The following STAM variants were observed in gnomAD, a reference collection of about 807,000 sequenced individuals.
The protein encoded by STAM is signal transducing adapter molecule 1.
In STAM, 16 loss-of-function variants were observed where a neutral mutation model predicts 63.4. That is an observed-to-expected ratio of 0.25 (90% CI 0.17 to 0.38). The LOEUF (loss-of-function observed/expected upper bound fraction) is 0.38. STAM is among the 10% of genes least tolerant of loss of function. The pLI is 1.00. For synonymous variants in STAM, 238 were observed against 223.9 expected (o/e 1.06, Z -0.56); for missense variants, 636 against 657.1 (o/e 0.97, Z 0.35).
chr10:17,652,628 A>G (rs1302921779), intron 1 of STAM, among the ~76,000 whole-genome samples: 5 of 152,206 alleles, frequency 3.3e-5, no homozygotes, highest in Non-Finnish European at 5.9e-5. Context: ...AGGTTTTAGA[A>G]TTTAAGTGTG....
Position 17,665,572 on chromosome 10 carries a change from G to A in STAM, c.125+5024G>A, listed in dbSNP as rs139303969. ...TACTTATTGTATCCTGTCAGTCTTA[G>A]AAATGTATTTCTTTTAAGTCTATTA... is the stretch of plus-strand genomic sequence containing the variant. On this transcript the variant is annotated intron_variant, in intron 2 of 13. Coordinates refer to ENST00000377524, the MANE Select transcript of STAM (RefSeq NM_003473.4). 4.6e-5 allele frequency among the ~76,000 whole-genome samples: 7 copies of A among 151,848 alleles called. No homozygotes were observed. In the East Asian group the frequency reaches 1.2e-3, roughly 25 times the overall value.
intron 2 of STAM, among the ~76,000 whole-genome samples, chr10:17,667,128 ATTT>A (rs34207861): frequency 3.6e-4 from 53 of 148,786 alleles, no homozygotes; most frequent in Admixed American, 5.3e-4. Flanking sequence ...GAGTTAAATA[ATTT>A]TTTTTTTTTT....
At chr10:17,649,173 G>A (rs1016119400) in intron 1 of STAM, among the ~76,000 whole-genome samples, 5 of 152,180 alleles carry the variant, frequency 3.3e-5, no homozygotes, top group Non-Finnish European at 5.9e-5. Flanking sequence ...GGAGGCTGAG[G>A]CAGGAGGATT....
At chr10:17,670,481 A>G (rs1834591538) in intron 2 of STAM, among the ~76,000 whole-genome samples, 1 of 152,122 alleles carries the variant, frequency 6.6e-6, no homozygotes. Context: ...TTATATTTGA[A>G]GGTTAAAATT....
At position 17,705,668 on chromosome 10, in the gene STAM, C is replaced by G. The variant is rs781907224; in HGVS notation, c.1136C>G (p.Pro379Arg). 9.9e-6 allele frequency: 16 copies of G among 1,613,794 alleles called. No individual in the cohort carries two copies. In the South Asian group the frequency reaches 1.8e-4, roughly 18 times the overall value. The change falls in exon 12 of 14, where the codon CCG becomes CGG. Residue 379 changes from proline to arginine, a missense_variant. Pro to Arg is a moderately radical substitution (Grantham distance 103, BLOSUM62 -2). Transcript: ENST00000377524. ...TATACCAAGTTAATGAACGAAGATCCGATGTATTCCATGTATGCAAAGTTA... is the reference window on the plus strand; with the variant it reads ...TATACCAAGTTAATGAACGAAGATCGGATGTATTCCATGTATGCAAAGTTA... ...SLYTKLMNED[P>R]MYSMYAKLQN...
chr10:17,700,516 C>A (rs1835945444), intron 9 of STAM, among the ~76,000 whole-genome samples: 1 of 151,926 alleles, frequency 6.6e-6, no homozygotes, highest in Non-Finnish European at 1.5e-5. Context: ...TGTAGAGTGG[C>A]CTTACCATGA....
chr10:17,681,215 TAATGTAGGTGC>T (rs1835073877), intron 2 of STAM, among the ~76,000 whole-genome samples: 2 of 150,566 alleles, frequency 1.3e-5, no homozygotes, highest in African/African-American at 2.4e-5. Context: ...TTTTTTTTTT[TAATGTAGGTGC>T]TTATAGGTAT....
chr10:17,691,553 A>T (rs1292695753), intron 5 of STAM, among the ~76,000 whole-genome samples: 2 of 152,196 alleles, frequency 1.3e-5, no homozygotes, highest in African/African-American at 4.8e-5. Context: ...CATTTGTTTG[A>T]CAACACGAAA....
In STAM at chr10:17,688,629, T is replaced by A. The variant is rs868917221; in HGVS notation, c.444+456T>A. 7.4e-4 allele frequency among the ~76,000 whole-genome samples: 98 copies of A among 132,042 alleles called. 1 individual carries two copies. The highest frequency in any genetic ancestry group is 2.6e-3 in the African/African-American group (96 of 36,982). 86.6% of individuals were successfully genotyped at this position (132,042 alleles called of 152,430 possible). A position where few individuals can be genotyped will look rare whatever the true frequency, so the allele number is the denominator to read the frequency against. On this transcript the variant is annotated intron_variant, in intron 5 of 13. Transcript: ENST00000377524. ...ATGCACGTGCAGCCAGACCTGGAAA[T>A]TTTTTTTTTTTTTAAATAGAGGTGG... is the stretch of plus-strand genomic sequence containing the variant.
chr10:17,687,500 C>A (rs1835344056), intron 4 of STAM, among the ~76,000 whole-genome samples: 1 of 150,156 alleles, frequency 6.7e-6, no homozygotes. Flanking sequence ...AAAAACAAAC[C>A]AAAAAAAAAG....
At chr10:17,653,754 A>G (rs1833831229) in intron 1 of STAM, among the ~76,000 whole-genome samples, 2 of 152,182 alleles carry the variant, frequency 1.3e-5, no homozygotes, top group Admixed American at 6.5e-5. Context: ...AGGATGTGCA[A>G]AGGCTTTATG....
chr10:17,694,996 A>G (rs767787522), intron 6 of STAM, 53 bp from the exon 7 acceptor site: 1 of 1,535,726 alleles, frequency 6.5e-7, no homozygotes, highest in Non-Finnish European at 8.9e-7. Flanking sequence ...CTACTTCTTC[A>G]GACTGTTGGA....
In STAM at chr10:17,716,101, A is replaced by C. The variant is rs1836803487; in HGVS notation, c.*1321A>C. Among the ~76,000 whole-genome samples, 1 of 152,044 alleles carries C rather than the reference A, an allele frequency of 6.6e-6. No individual in the cohort carries two copies. Among genetic ancestry groups the C allele is most frequent in the Non-Finnish European group, 1.5e-5 (1 of 67,972 alleles). The stretch of plus-strand genomic sequence containing the variant: ...GTTTTCCACTGACATTGTAATCTTA[A>C]ATATTTACGATTTCCCTGGTTGGGC... On this transcript the variant is annotated 3_prime_UTR_variant, in exon 14 of 14. Transcript: ENST00000377524.
chr10:17,713,797 T>C (rs1486657842), intron 13 of STAM, among the ~76,000 whole-genome samples: 1 of 152,070 alleles, frequency 6.6e-6, no homozygotes, highest in Non-Finnish European at 1.5e-5. Context: ...CGTTAAACCC[T>C]GTGGAATCTT....
rs114488014 is a variant in STAM, at chr10:17,687,731, T to A, written c.298-296T>A. On this transcript the variant is annotated intron_variant, in intron 4 of 13. Coordinates refer to ENST00000377524, the MANE Select transcript of STAM (RefSeq NM_003473.4). ...TTGCTTTGCAAAAAGCAGACACTTT[T>A]CCTTGTCTTACTGATGTACAAACCT... 7.5e-3 allele frequency among the ~76,000 whole-genome samples: 1,141 copies of A among 152,306 alleles called. 10 individuals carry two copies. The highest frequency in any genetic ancestry group is 0.026 in the African/African-American group (1,085 of 41,564).
chr10:17,707,253 C>T (rs575603033), intron 12 of STAM, among the ~76,000 whole-genome samples: 2 of 152,054 alleles, frequency 1.3e-5, no homozygotes, highest in Non-Finnish European at 2.9e-5. Context: ...GCTCAAAATA[C>T]AAAAAATTTA....
At position 17,714,710 on chromosome 10, in the gene STAM, T is replaced by C; in HGVS notation, c.1553T>C (p.Leu518Pro). 1 of 1,614,100 alleles carries C rather than the reference T, an allele frequency of 6.2e-7. No individual in the cohort carries two copies. Among genetic ancestry groups the C allele is most frequent in the Non-Finnish European group, 8.5e-7 (1 of 1,180,022 alleles). ...VPNYNLTSSTLPQPGGSQQPP... is the reference protein window; with the variant it reads ...VPNYNLTSSTPPQPGGSQQPP... Reference sequence around the variant, plus strand: ...AACTATAACTTAACATCATCAACTCTGCCTCAGCCCGGAGGCAGCCAACAG... The same window carrying C: ...AACTATAACTTAACATCATCAACTCCGCCTCAGCCCGGAGGCAGCCAACAG... Residue 518 changes from leucine to proline, a missense_variant, in exon 14 of 14, where the codon CTG (leucine) becomes CCG (proline). This residue lies in a region of STAM where 532 missense variants were observed against 536.9 expected (regional missense o/e 0.99). Transcript: ENST00000377524.
intron 9 of STAM, among the ~76,000 whole-genome samples, chr10:17,702,978 C>A: frequency 7.5e-6 from 1 of 134,170 alleles, no homozygotes. Context: ...CACTGCACTC[C>A]AGCCTGGGAG....
At chr10:17,669,351 G>T (rs1002019410) in intron 2 of STAM, among the ~76,000 whole-genome samples, 16 of 148,106 alleles carry the variant, frequency 1.1e-4, no homozygotes, top group Non-Finnish European at 1.8e-4. Context: ...ATATGGTCTT[G>T]AGGTTTTTTT....
Sources: gnomAD v4.1 joint callset for allele counts (sites outside exome capture counted in the v4.1 genomes callset) on GRCh38, gnomAD v4.1.1 for gene constraint, gnomAD v4.1.1 regional missense constraint, MANE v1.5 for transcripts, NCBI Gene and HGNC (gene_info 2026-07-23, HGNC 2026-07-21) for gene names.